Variants in MEGF11 observed in about 807,000 individuals in gnomAD.
MEGF11 encodes multiple EGF like domains 11.
A neutral mutation model predicts 146.6 loss-of-function variants in MEGF11; 126 were observed. That is an observed-to-expected ratio of 0.86 (90% CI 0.74 to 1.00). The LOEUF is 1.00. MEGF11 is among the 50% of genes least tolerant of loss of function. MEGF11 has a pLI of 0.00. For synonymous variants in MEGF11, 532 were observed against 583.4 expected (o/e 0.91, Z 1.27); for missense variants, 1,509 against 1,521.2 (o/e 0.99, Z 0.13).
At chr15:66,239,595 C>A (rs1209598124) in intron 1 of MEGF11, among the ~76,000 whole-genome samples, 2 of 152,228 alleles carry the variant, frequency 1.3e-5, no homozygotes, top group African/African-American at 4.8e-5. Context: ...CCACCACTAC[C>A]AGTGGTCTCA....
At chr15:66,179,085 G>GC (rs5813379) in intron 1 of MEGF11, among the ~76,000 whole-genome samples, 107,645 of 151,952 alleles carry the variant, frequency 0.71, 38,407 homozygotes, top group African/African-American at 0.77. Context: ...CAATCTGTCA[G>GC]CCCGGGAAGC....
chr15:66,099,659 T>G (rs550134719), intron 4 of MEGF11, among the ~76,000 whole-genome samples: 1 of 152,328 alleles, frequency 6.6e-6, no homozygotes, highest in African/African-American at 2.4e-5. Context: ...ACAGAGTAAA[T>G]GAGTTAACTC....
At chr15:66,093,117 G>A (rs1051694451) in intron 5 of MEGF11, among the ~76,000 whole-genome samples, 3 of 152,140 alleles carry the variant, frequency 2.0e-5, no homozygotes, top group African/African-American at 7.2e-5. Context: ...GAAGGAGGAG[G>A]CCACTGTGGT....
chr15:65,932,402 C>T (rs1247249565), intron 10 of MEGF11, among the ~76,000 whole-genome samples: 2 of 152,182 alleles, frequency 1.3e-5, no homozygotes, highest in African/African-American at 4.8e-5. Context: ...TGAATCTGGG[C>T]GTCCACTCTA....
chr15:65,963,480 C>G (rs555853400), intron 9 of MEGF11, among the ~76,000 whole-genome samples: 1 of 151,924 alleles, frequency 6.6e-6, no homozygotes, highest in East Asian at 1.9e-4. Flanking sequence ...TAATTCATAT[C>G]TCTGATATTG....
intron 1 of MEGF11, among the ~76,000 whole-genome samples, chr15:66,231,881 C>A (rs770837993): frequency 8.5e-5 from 13 of 152,216 alleles, no homozygotes; most frequent in Non-Finnish European, 1.8e-4. Context: ...TAACAACTAA[C>A]CCTCACCAAG....
chr15:66,008,255 G>A (rs1218681348), intron 5 of MEGF11, among the ~76,000 whole-genome samples: 2 of 152,140 alleles, frequency 1.3e-5, no homozygotes, highest in Non-Finnish European at 2.9e-5. Context: ...GCAGAGATAG[G>A]AGTCAGGAAG....
rs141956144 is a variant in MEGF11 at position 66,177,882 on chromosome 15, G to A, written c.-8-49471C>T. Reference sequence around the variant, plus strand: ...GTACTTTTAGTAGAGACGGGGTTTCGCCATGTTGCCCAGGCTGGTCTGGAA... The same window carrying A: ...GTACTTTTAGTAGAGACGGGGTTTCACCATGTTGCCCAGGCTGGTCTGGAA... On this transcript the variant is annotated intron_variant, in intron 1 of 25. Coordinates refer to ENST00000395614, the MANE Select transcript of MEGF11 (RefSeq NM_001385028.1). Among the ~76,000 whole-genome samples the A allele has an allele frequency of 7.2e-5, 11 of 152,020 alleles. No homozygotes were observed. The East Asian group carries it at 7.7e-4, about 11-fold the overall frequency.
intron 1 of MEGF11, among the ~76,000 whole-genome samples, chr15:66,210,511 C>T (rs2091416805): frequency 6.6e-6 from 1 of 152,142 alleles, no homozygotes; most frequent in East Asian, 1.9e-4. Context: ...TCTCGATGCT[C>T]CACCACCAAC....
chr15:66,091,022 T>G (rs937970876), intron 5 of MEGF11, among the ~76,000 whole-genome samples: 1 of 152,192 alleles, frequency 6.6e-6, no homozygotes, highest in Non-Finnish European at 1.5e-5. Context: ...TTGATTTTTC[T>G]TTTTAACATG....
At chr15:66,062,681 T>C (rs2084952051) in intron 5 of MEGF11, among the ~76,000 whole-genome samples, 1 of 152,156 alleles carries the variant, frequency 6.6e-6, no homozygotes, top group Non-Finnish European at 1.5e-5. Context: ...ATAATAAATG[T>C]GGGTATTTTA....
intron 5 of MEGF11, among the ~76,000 whole-genome samples, chr15:66,011,154 A>G (rs1386346372): frequency 2.0e-5 from 3 of 152,224 alleles, no homozygotes; most frequent in Non-Finnish European, 4.4e-5. Flanking sequence ...CTCGGCACTC[A>G]GTTGAGGACA....
intron 1 of MEGF11, among the ~76,000 whole-genome samples, chr15:66,227,714 G>A (rs115759033): frequency 0.018 from 2,731 of 152,280 alleles, 76 homozygotes; most frequent in African/African-American, 0.063. Flanking sequence ...TTCAAGCCAT[G>A]GAAGCGCCGG....
intron 3 of MEGF11, 47 bp downstream of exon 3, chr15:66,123,852 G>A: frequency 2.7e-6 from 4 of 1,504,088 alleles, no homozygotes; most frequent in South Asian, 1.1e-5. Context: ...CAAGCCCTGA[G>A]AGCCCAGTGC....
At chr15:66,127,627 C>T (rs140526410) in intron 2 of MEGF11, among the ~76,000 whole-genome samples, 9 of 152,320 alleles carry the variant, frequency 5.9e-5, no homozygotes, top group South Asian at 2.1e-4. Context: ...GGGTTTAATT[C>T]GGTTTTTTCC....
intron 1 of MEGF11, among the ~76,000 whole-genome samples, chr15:66,185,013 T>C (rs111237207): frequency 5.3e-5 from 8 of 152,088 alleles, no homozygotes; most frequent in African/African-American, 1.9e-4. Flanking sequence ...TTCCTGCTTG[T>C]CTCTCACACT....
chr15:66,179,701 T>C (rs1209720577), intron 1 of MEGF11, among the ~76,000 whole-genome samples: 1 of 151,952 alleles, frequency 6.6e-6, no homozygotes, highest in Non-Finnish European at 1.5e-5. Flanking sequence ...GGTTTCAGGT[T>C]CCCAAACCCA....
At chr15:66,239,708 G>A (rs1009513102) in intron 1 of MEGF11, among the ~76,000 whole-genome samples, 1 of 152,144 alleles carries the variant, frequency 6.6e-6, no homozygotes, top group African/African-American at 2.4e-5. Context: ...TCCGTACCAG[G>A]GTCCACCCAC....
chr15:65,989,206 G>A (rs1256951627), intron 5 of MEGF11, among the ~76,000 whole-genome samples: 5 of 152,138 alleles, frequency 3.3e-5, no homozygotes, highest in African/African-American at 1.2e-4. Context: ...GAGGTGGGGT[G>A]GGAGAGAAGG....
Sources: allele counts gnomAD v4.1 joint callset (sites outside exome capture counted in the v4.1 genomes callset), GRCh38; gene constraint gnomAD v4.1.1; transcripts MANE v1.5; gene names NCBI Gene and HGNC (gene_info 2026-07-23, HGNC 2026-07-21).